AGBL4: variants seen among roughly 807,000 people sequenced by gnomAD.
AGBL4 encodes the protein AGBL carboxypeptidase 4, also known as cytosolic carboxypeptidase 6.
A neutral mutation model predicts 66.4 loss-of-function variants in AGBL4; 58 were observed. The observed-to-expected ratio is 0.87, with a 90% confidence interval of 0.71 to 1.09. The LOEUF is 1.09. Among genes scored for constraint, AGBL4 ranks in the 50% least tolerant of loss-of-function variants. The pLI is 0.00. For synonymous variants in AGBL4, 234 were observed against 222.9 expected (o/e 1.05, Z -0.44); for missense variants, 579 against 631.0 (o/e 0.92, Z 0.88).
At chr1:49,091,488 A>G (rs1033482668) in intron 4 of AGBL4, among the ~76,000 whole-genome samples, 23 of 152,166 alleles carry the variant, frequency 1.5e-4, no homozygotes, top group Non-Finnish European at 5.9e-5. Context: ...AATCACAATA[A>G]GATATCATCT....
At chr1:49,562,434 G>A (rs1644073141) in intron 3 of AGBL4, among the ~76,000 whole-genome samples, 1 of 152,020 alleles carries the variant, frequency 6.6e-6, no homozygotes, top group African/African-American at 2.4e-5. Flanking sequence ...GGGTTTTTAT[G>A]GTTTGAGGTC....
In AGBL4 at chr1:49,233,140, C is replaced by T. The variant is rs1285152163; in HGVS notation, c.377+12630G>A. 3.9e-5 allele frequency among the ~76,000 whole-genome samples: 6 copies of T among 152,224 alleles called. No individual in the cohort carries two copies. In the East Asian group the frequency reaches 9.7e-4, roughly 24 times the overall value. ...TTTCATCATCACAAATCTGAACCCC[C>T]AAATCTAGTTGAGGTAAATATCTGA... On this transcript the variant is annotated intron_variant, in intron 4 of 13. Coordinates refer to ENST00000371839, the MANE Select transcript of AGBL4 (RefSeq NM_032785.4).
chr1:50,016,677 A>G (rs1662009876), intron 1 of AGBL4, among the ~76,000 whole-genome samples: 1 of 152,214 alleles, frequency 6.6e-6, no homozygotes, highest in Non-Finnish European at 1.5e-5. Flanking sequence ...TGCGGCCAAC[A>G]AGCATATGAT....
intron 5 of AGBL4, among the ~76,000 whole-genome samples, chr1:48,957,628 C>G (rs888740983): frequency 6.6e-6 from 1 of 152,152 alleles, no homozygotes; most frequent in African/African-American, 2.4e-5. Context: ...GTGCGTTATC[C>G]ACAAGGCTGT....
At chr1:48,822,390 A>G (rs1646335834) in intron 6 of AGBL4, among the ~76,000 whole-genome samples, 1 of 152,228 alleles carries the variant, frequency 6.6e-6, no homozygotes. Context: ...GGATGAATCT[A>G]AAAAATAATA....
intron 6 of AGBL4, among the ~76,000 whole-genome samples, chr1:48,760,095 CAGT>C (rs1162561950): frequency 2.6e-4 from 40 of 152,146 alleles, no homozygotes; most frequent in Non-Finnish European, 2.9e-5. Context: ...ATCTAACTTC[CAGT>C]ACAAGGCTCC....
chr1:49,889,243 G>A (rs1648386460), intron 1 of AGBL4, among the ~76,000 whole-genome samples: 1 of 152,072 alleles, frequency 6.6e-6, no homozygotes, highest in Non-Finnish European at 1.5e-5. Context: ...AGAAGCTGAG[G>A]CAGGAGGTTC....
chr1:49,801,747 G>A (rs1274751165), intron 2 of AGBL4, among the ~76,000 whole-genome samples: 2 of 152,120 alleles, frequency 1.3e-5, no homozygotes, highest in Non-Finnish European at 1.5e-5. Context: ...ACCATACTAA[G>A]CAAAGCCAGA....
chr1:49,559,871 G>C (rs1359875278), intron 3 of AGBL4, among the ~76,000 whole-genome samples: 2 of 152,116 alleles, frequency 1.3e-5, no homozygotes, highest in Non-Finnish European at 2.9e-5. Flanking sequence ...CTTTGTGATA[G>C]TGTGAGTCAA....
At chr1:49,244,039 C>G (rs991533883) in intron 4 of AGBL4, among the ~76,000 whole-genome samples, 9 of 151,700 alleles carry the variant, frequency 5.9e-5, no homozygotes, top group African/African-American at 1.9e-4. Context: ...ATCAAGAGCC[C>G]TAGCAGAGAA....
At chr1:49,523,051 G>A (rs145574222) in intron 3 of AGBL4, among the ~76,000 whole-genome samples, 8 of 152,058 alleles carry the variant, frequency 5.3e-5, no homozygotes, top group Admixed American at 2.0e-4. Flanking sequence ...AATCCACCCC[G>A]ATTACCTGAA....
chr1:49,531,243 GTCTTTAAGTCTGGC>G (rs1171358467), intron 3 of AGBL4, among the ~76,000 whole-genome samples: 1 of 152,090 alleles, frequency 6.6e-6, no homozygotes, highest in Non-Finnish European at 1.5e-5. Flanking sequence ...GCACTGGGCT[GTCTTTAAGTCTGGC>G]TCATTTATTT....
At chr1:49,302,608 T>TTTTATTTTATTTTATTTTATTTTATTTTA (rs1553180279) in intron 3 of AGBL4, among the ~76,000 whole-genome samples, 21 of 110,116 alleles carry the variant, frequency 1.9e-4, no homozygotes, top group South Asian at 5.9e-4. Context: ...TTATTTTATT[T>TTTTATTTTATTTTATTTTATTTTATTTTA]TTTTATTTTA....
chr1:48,891,178 A>C (rs1039388610), intron 5 of AGBL4, among the ~76,000 whole-genome samples: 2 of 152,212 alleles, frequency 1.3e-5, no homozygotes, highest in Non-Finnish European at 2.9e-5. Context: ...GCTCCCTAAC[A>C]GGCAGATATC....
intron 3 of AGBL4, among the ~76,000 whole-genome samples, chr1:49,458,145 A>G (rs529214892): frequency 9.0e-4 from 136 of 151,898 alleles, no homozygotes; most frequent in African/African-American, 3.1e-3. Flanking sequence ...TTTTGGCAGT[A>G]TGGTCTCTTT....
In AGBL4 at chr1:49,941,345, A is replaced by G. The variant is rs539293124; in HGVS notation, c.34+82418T>C. On this transcript the variant is annotated intron_variant, in intron 1 of 13. Transcript: ENST00000371839. Reference sequence around the variant, plus strand: ...CTCATTTTACAAACCTATTTTCTCAAGAATGTACAGGAGAGAATACTACCA... The same window carrying G: ...CTCATTTTACAAACCTATTTTCTCAGGAATGTACAGGAGAGAATACTACCA... 1.1e-3 allele frequency among the ~76,000 whole-genome samples: 170 copies of G among 152,254 alleles called. 1 individual carries two copies. Among genetic ancestry groups the G allele is most frequent in the African/African-American group, 4.0e-3 (166 of 41,556 alleles).
At chr1:49,621,477 GGCTATGACCTAAT>G (rs1645359150) in intron 3 of AGBL4, among the ~76,000 whole-genome samples, 1 of 152,212 alleles carries the variant, frequency 6.6e-6, no homozygotes, top group Non-Finnish European at 1.5e-5. Context: ...AAGAGGAACA[GGCTATGACCTAAT>G]GCTTGCTTGG....
In AGBL4 at chr1:48,534,256, G is replaced by T. The variant is rs947029939; in HGVS notation, c.1429C>A (p.Arg477=). ...TTGGGGTAGTTGCTGGCTGGGCCCC[G>T]CAGGAGTGGGTGCTTGTAAGGAGGG... The part of the protein sequence containing the change: ...KSPPYKHPLL[R]GPASNYPNSK... The change falls in exon 14 of 14, where the codon CGG becomes AGG. Residue 477 remains arginine (R), a synonymous_variant. Transcript: ENST00000371839. 1.3e-6 allele frequency: 2 copies of T among 1,551,572 alleles called. No homozygotes were observed. Among genetic ancestry groups the T allele is most frequent in the African/African-American group, 1.4e-5 (1 of 73,112 alleles).
intron 8 of AGBL4, among the ~76,000 whole-genome samples, chr1:48,643,670 G>T (rs1645792486): frequency 6.6e-6 from 1 of 152,224 alleles, no homozygotes; most frequent in African/African-American, 2.4e-5. Context: ...AATCCCAATG[G>T]TAACTTTCAG....
Sources: gnomAD v4.1 joint callset for allele counts (sites outside exome capture counted in the v4.1 genomes callset) on GRCh38, gnomAD v4.1.1 for gene constraint, MANE v1.5 for transcripts, NCBI Gene and HGNC (gene_info 2026-07-23, HGNC 2026-07-21) for gene names.